The following SPEF2 variants were observed in gnomAD, a reference collection of about 807,000 sequenced individuals.
SPEF2 encodes sperm flagellar and cilia associated 2, also known as sperm flagella and cilia-associated protein 2.
In SPEF2, 187 loss-of-function variants were observed where a neutral mutation model predicts 224.6. That is an observed-to-expected ratio of 0.83 (90% CI 0.74 to 0.94). The LOEUF is 0.94. Among genes scored for constraint, SPEF2 ranks in the 40% least tolerant of loss-of-function variants. The pLI is 0.00. For missense variants in SPEF2, 2,170 were observed against 2,135.6 expected (o/e 1.02, Z -0.32); for synonymous variants, 715 against 707.3 (o/e 1.01, Z -0.17).
At chr5:35,807,066 A>G (rs1758165108) in intron 35 of SPEF2, 65 bp from the exon 36 acceptor site, 1 of 1,569,034 alleles carries the variant, frequency 6.4e-7, no homozygotes, top group Admixed American at 2.0e-5. Flanking sequence ...AGTAAATACA[A>G]CCATTTTTTT....
At chr5:35,699,798 A>G (rs1005712757) in intron 15 of SPEF2, 1 of 148,426 alleles carries the variant, frequency 6.7e-6, no homozygotes, top group African/African-American at 2.7e-5. Context: ...GTTCATACTC[A>G]TATAACATTG....
In SPEF2 at chr5:35,705,522, T is replaced by C. The variant is rs144778784; in HGVS notation, c.2508-129T>C. ...TTCTTTAATCTAAAATAAATAACAT[T>C]GTTTCTTTTTCAGATACAATTATAT... On this transcript the variant is annotated intron_variant, in intron 17 of 36. Coordinates refer to ENST00000356031, the MANE Select transcript of SPEF2 (RefSeq NM_024867.4). 220 of 617,870 alleles carry C rather than the reference T, an allele frequency of 3.6e-4. 1 individual carries two copies. In the East Asian group the frequency reaches 7.7e-3, roughly 22 times the overall value. The allele number at this position is 617,870 out of a possible 1,614,324, so 38.3% of individuals were successfully genotyped here.
intron 25 of SPEF2, among the ~76,000 whole-genome samples, chr5:35,762,752 A>C (rs796678908): frequency 2.3e-4 from 35 of 152,310 alleles, no homozygotes; most frequent in African/African-American, 7.9e-4. Context: ...TCTACCTTGT[A>C]GATCTTTCCC....
intron 11 of SPEF2, among the ~76,000 whole-genome samples, chr5:35,692,026 C>G (rs1754568925): frequency 6.6e-6 from 1 of 151,836 alleles, no homozygotes; most frequent in South Asian, 2.1e-4. Context: ...TCTCAATCTC[C>G]TGATCTCGTG....
Position 35,788,529 on chromosome 5 carries a change from A to G in SPEF2, c.4448-3811A>G, listed in dbSNP as rs183183292. On this transcript the variant is annotated intron_variant, in intron 30 of 36. Transcript: ENST00000356031. ...TATGTGCAGTTTGCACATGCAGGAA[A>G]GGTGCACTGTCAAATTGTTGGGGTA... 1,477 of 702,538 alleles carry G rather than the reference A, an allele frequency of 2.1e-3. 3 individuals carry two copies. The highest frequency in any genetic ancestry group is 3.9e-3 in the Middle Eastern group (17 of 4,364). The allele number at this position is 702,538 out of a possible 1,614,324, so 43.5% of individuals were successfully genotyped here.
intron 20 of SPEF2, among the ~76,000 whole-genome samples, chr5:35,717,568 C>T (rs983795758): frequency 5.3e-5 from 8 of 152,064 alleles, no homozygotes; most frequent in East Asian, 1.9e-4. Flanking sequence ...GGCTCACAGA[C>T]GGCTTAAAGG....
At chr5:35,682,623 T>C (rs1752999399) in intron 10 of SPEF2, among the ~76,000 whole-genome samples, 1 of 152,188 alleles carries the variant, frequency 6.6e-6, no homozygotes, top group Admixed American at 6.6e-5. Flanking sequence ...ACCACTCCTC[T>C]AAAAAAGCCA....
At chr5:35,799,015 T>G (rs2149848961) in intron 33 of SPEF2, among the ~76,000 whole-genome samples, 1 of 152,326 alleles carries the variant, frequency 6.6e-6, no homozygotes, top group East Asian at 1.9e-4. Context: ...GTTGTAAGGG[T>G]TTTTGGTAAC....
chr5:35,743,465 A>G (rs1038895532), intron 23 of SPEF2, among the ~76,000 whole-genome samples: 6 of 152,162 alleles, frequency 3.9e-5, no homozygotes, highest in Admixed American at 3.9e-4. Flanking sequence ...AGGTTCAGTA[A>G]GTTTTGGCCA....
intron 26 of SPEF2, among the ~76,000 whole-genome samples, chr5:35,766,059 A>T (rs1411701717): frequency 6.6e-6 from 1 of 152,086 alleles, no homozygotes; most frequent in Admixed American, 6.5e-5. Context: ...TTAGTCTTTG[A>T]ATGAGATAAT....
At chr5:35,629,151 C>CTT (rs768077049) in intron 2 of SPEF2, among the ~76,000 whole-genome samples, 1,807 of 88,324 alleles carry the variant, frequency 0.02, 291 homozygotes, top group African/African-American at 0.061. Flanking sequence ...TCGATTGTTC[C>CTT]TTTTTTTTTT....
chr5:35,792,280 A>G, intron 30 of SPEF2, 60 bp from the exon 31 acceptor site: 2 of 1,357,440 alleles, frequency 1.5e-6, no homozygotes, highest in Non-Finnish European at 2.0e-6. Flanking sequence ...CTATTTTAGC[A>G]AAAGAAGAGA....
Position 35,700,524 on chromosome 5 carries a change from C to T in SPEF2, c.2170C>T (p.Leu724=). 6.2e-7 allele frequency: 1 copy of T among 1,613,268 alleles called. No homozygotes were observed. The highest frequency in any genetic ancestry group is 8.5e-7 in the Non-Finnish European group (1 of 1,179,792). ...GATACCTGTGAATCAAGACTGTATCCTAGATGGTTTTCCAATGACTTTAAA... is the reference window on the plus strand; with the variant it reads ...GATACCTGTGAATCAAGACTGTATCTTAGATGGTTTTCCAATGACTTTAAA... ...NEIPVNQDCI[L]DGFPMTLNQA... is the part of the protein sequence containing the mutation. Residue 724 remains leucine, a synonymous_variant, in exon 16 of 37, where the codon CTA becomes TTA. Transcript: ENST00000356031.
intron 16 of SPEF2, among the ~76,000 whole-genome samples, chr5:35,703,362 G>A (rs562962748): frequency 6.6e-6 from 1 of 152,278 alleles, no homozygotes; most frequent in Admixed American, 6.5e-5. Flanking sequence ...TTGCTAGAAA[G>A]CATAAAGTGA....
At chr5:35,722,763 A>C (rs9292608) in intron 20 of SPEF2, among the ~76,000 whole-genome samples, 84,586 of 148,122 alleles carry the variant, frequency 0.57, 25,510 homozygotes, top group Middle Eastern at 0.7. Context: ...GCGATAGTTT[A>C]CTGAGAATGA....
chr5:35,718,024 C>A (rs1216031739), intron 20 of SPEF2, among the ~76,000 whole-genome samples: 2 of 152,004 alleles, frequency 1.3e-5, no homozygotes, highest in African/African-American at 4.8e-5. Flanking sequence ...AGTTTGATGG[C>A]CTGAAGGCAA....
intron 20 of SPEF2, among the ~76,000 whole-genome samples, chr5:35,719,486 G>C (rs1743216638): frequency 6.6e-6 from 1 of 152,208 alleles, no homozygotes; most frequent in Admixed American, 6.5e-5. Context: ...TGTTCCACAA[G>C]GAATCTCAGA....
chr5:35,720,696 A>G (rs1743486655), intron 20 of SPEF2, among the ~76,000 whole-genome samples: 1 of 152,208 alleles, frequency 6.6e-6, no homozygotes, highest in African/African-American at 2.4e-5. Flanking sequence ...TAGAAATTTT[A>G]TACAGTTTTG....
At chr5:35,664,283 A>G (rs1256098023) in intron 8 of SPEF2, among the ~76,000 whole-genome samples, 2 of 151,684 alleles carry the variant, frequency 1.3e-5, no homozygotes, top group African/African-American at 4.8e-5. Flanking sequence ...ATAAAGAAAA[A>G]AAAAAAAAAG....
Sources: gnomAD v4.1 joint callset for allele counts (sites outside exome capture counted in the v4.1 genomes callset) on GRCh38, gnomAD v4.1.1 for gene constraint, MANE v1.5 for transcripts, NCBI Gene and HGNC (gene_info 2026-07-23, HGNC 2026-07-21) for gene names.